IGF2R: variants seen among roughly 807,000 people sequenced by gnomAD.
IGF2R encodes insulin like growth factor 2 receptor, also known as cation-independent mannose-6-phosphate receptor.
A neutral mutation model predicts 270.6 loss-of-function variants in IGF2R; 91 were observed. The observed-to-expected ratio is 0.34, with a 90% CI of 0.28 to 0.40. IGF2R has a LOEUF of 0.40. IGF2R is among the 10% of genes least tolerant of loss of function. IGF2R has a pLI of 1.00. For missense variants in IGF2R, 2,805 were observed against 3,188.3 expected (o/e 0.88, Z 2.90); for synonymous variants, 1,316 against 1,258.9 (o/e 1.05, Z -0.96).
chr6:160,104,831 A>T lies in IGF2R; in HGVS notation c.7223A>T (p.Asp2408Val), dbSNP rs750273880. 1 of 1,614,212 alleles carries T rather than the reference A, an allele frequency of 6.2e-7. No homozygotes were observed. Among genetic ancestry groups the T allele is most frequent in the African/African-American group, 1.3e-5 (1 of 75,056 alleles). The change falls in exon 48 of 48, where the codon GAC (aspartate) becomes GTC (valine). Residue 2408 changes from aspartate (D) to valine (V), a missense_variant. By Grantham distance (152) the Asp-to-Val change is radical (BLOSUM62 -3). Coordinates refer to ENST00000356956, the MANE Select transcript of IGF2R (RefSeq NM_000876.4). ...AGCTCCCTGCATGGGGATGACCAGGACAGTGAGGATGAGGTTCTGACCATC... is the reference window on the plus strand; with the variant it reads ...AGCTCCCTGCATGGGGATGACCAGGTCAGTGAGGATGAGGTTCTGACCATC... ...ALSSLHGDDQ[D>V]SEDEVLTIPE...
At chr6:160,074,313 G>A (rs28633601) in intron 35 of IGF2R, among the ~76,000 whole-genome samples, 13,326 of 152,270 alleles carry the variant, frequency 0.088, 887 homozygotes, top group East Asian at 0.33. Context: ...GTTTCTTTGT[G>A]TGAAATGCCT....
chr6:159,986,438 T>G lies in IGF2R; in HGVS notation c.150-4746T>G, dbSNP rs554843152. Among the ~76,000 whole-genome samples the G allele has an allele frequency of 2.4e-4, 30 of 122,620 alleles. No homozygotes were observed. In the East Asian group the frequency reaches 4.5e-3, roughly 19 times the overall value. The allele number at this position is 122,620 out of a possible 152,430, so 80.4% of individuals were successfully genotyped here. ...TGTGTGTGTGTGTGTGTGTTTTTTT[T>G]TTTTTTTTAAGTAGATTCAGGGTTT... On this transcript the variant is annotated intron_variant, in intron 1 of 47. Coordinates refer to ENST00000356956, the MANE Select transcript of IGF2R (RefSeq NM_000876.4).
intron 42 of IGF2R, among the ~76,000 whole-genome samples, chr6:160,088,605 A>G (rs193180932): frequency 6.6e-6 from 1 of 152,248 alleles, no homozygotes; most frequent in East Asian, 1.9e-4. Context: ...CAGAGGGTGC[A>G]TGTGAGCTGC....
intron 1 of IGF2R, among the ~76,000 whole-genome samples, chr6:159,981,338 A>AGT (rs138044623): frequency 0.011 from 1,626 of 150,758 alleles, 28 homozygotes; most frequent in African/African-American, 0.038. Context: ...TGTGTGTCTG[A>AGT]GTGTGTGTGT....
At chr6:160,011,552 T>TG (rs35940043) in intron 4 of IGF2R, among the ~76,000 whole-genome samples, 20 of 41,278 alleles carry the variant, frequency 4.8e-4, no homozygotes, top group Non-Finnish European at 9.0e-4. Context: ...ACATATTTCG[T>TG]TTTTTTTTTT....
At position 160,103,827 on chromosome 6, in the gene IGF2R, T is replaced by C; in HGVS notation, c.7065+12T>C. The C allele has an allele frequency of 6.3e-7, 1 of 1,595,918 alleles. No homozygotes were observed. Among genetic ancestry groups the C allele is most frequent in the Non-Finnish European group, 8.6e-7 (1 of 1,163,394 alleles). On this transcript the variant is annotated intron_variant, in intron 47 of 47. Coordinates refer to ENST00000356956, the MANE Select transcript of IGF2R (RefSeq NM_000876.4). ...ACAAATACTCAAAGGTAATTTTCTGTGGCGAGTCTCTTGAAGGCCTGCCTC... is the reference window on the plus strand; with the variant it reads ...ACAAATACTCAAAGGTAATTTTCTGCGGCGAGTCTCTTGAAGGCCTGCCTC...
intron 12 of IGF2R, 86 bp from the exon 13 acceptor site, chr6:160,044,428 C>A (rs1364348294): frequency 7.7e-6 from 9 of 1,165,474 alleles, no homozygotes; most frequent in African/African-American, 1.6e-5. Context: ...CTTTCTCTTT[C>A]TTTCTTTTTT....
chr6:160,074,068 C>A lies in IGF2R; in HGVS notation c.5166+93C>A. ...TTCTTGCCTTCAGTGGGGAGTTGCTCAAGCATAAAAAAAATGGAGAAAGTA... is the reference window on the plus strand; with the variant it reads ...TTCTTGCCTTCAGTGGGGAGTTGCTAAAGCATAAAAAAAATGGAGAAAGTA... On this transcript the variant is annotated intron_variant, in intron 35 of 47. Coordinates refer to ENST00000356956, the MANE Select transcript of IGF2R (RefSeq NM_000876.4). The A allele has an allele frequency of 5.9e-6, 5 of 848,366 alleles. No homozygotes were observed. In the Admixed American group the frequency reaches 7.2e-5, roughly 12 times the overall value. The allele number at this position is 848,366 out of a possible 1,614,324, so 52.6% of individuals were successfully genotyped here.
intron 4 of IGF2R, among the ~76,000 whole-genome samples, chr6:160,012,769 T>TG (rs1784357380): frequency 2.1e-5 from 2 of 93,068 alleles, no homozygotes; most frequent in Non-Finnish European, 4.7e-5. Context: ...ATATATTTTT[T>TG]TTTTTTTTTG....
chr6:160,056,418 A>G lies in IGF2R; in HGVS notation c.2695-6A>G. On this transcript the variant is annotated splice_region_variant and splice_polypyrimidine_tract_variant and intron_variant, in intron 19 of 47. Transcript: ENST00000356956. ...ATTGACTTTTACCCTGGATTTGCCC[A>G]TTCAGAACAGCCACCCCATCTTTTC... 1.2e-6 allele frequency: 2 copies of G among 1,606,268 alleles called. No homozygotes were observed. The highest frequency in any genetic ancestry group is 1.7e-6 in the Non-Finnish European group (2 of 1,172,750).
At chr6:159,981,415 G>T (rs950197085) in intron 1 of IGF2R, among the ~76,000 whole-genome samples, 4 of 152,152 alleles carry the variant, frequency 2.6e-5, no homozygotes, top group Admixed American at 2.0e-4. Flanking sequence ...CCTCCGGACA[G>T]GGGCCTGCCC....
At position 160,107,902 on chromosome 6, in the gene IGF2R, C is replaced by T. The variant is rs1243957924; in HGVS notation, c.*2818C>T. The T allele has an allele frequency of 6.6e-6, 1 of 152,216 alleles. No individual in the cohort carries two copies. Among genetic ancestry groups the T allele is most frequent in the African/African-American group, 2.4e-5 (1 of 41,440 alleles). 9.4% of individuals were successfully genotyped at this position (152,216 alleles called of 1,614,324 possible). A position where few individuals can be genotyped will look rare whatever the true frequency, so the allele number is the denominator to read the frequency against. ...AATCATTTGAGATGAAGTTTCTTCC[C>T]ATCACCAGGCATTCCTACAAACAAG... On this transcript the variant is annotated 3_prime_UTR_variant, in exon 48 of 48. Transcript: ENST00000356956.
At chr6:160,075,282 G>A (rs540467919) in intron 35 of IGF2R, among the ~76,000 whole-genome samples, 20 of 152,040 alleles carry the variant, frequency 1.3e-4, no homozygotes, top group Non-Finnish European at 2.8e-4. Context: ...TATCTCTTGG[G>A]CAGCCGCTGT....
At chr6:160,059,239 C>T (rs972433569) in intron 22 of IGF2R, 141 bp downstream of exon 22, 41 of 654,166 alleles carry the variant, frequency 6.3e-5, no homozygotes, top group African/African-American at 4.5e-4. Flanking sequence ...GGAGCCATCA[C>T]GGTGGTCTTC....
chr6:160,062,646 C>T, intron 26 of IGF2R, 27 bp downstream of exon 26: 1 of 1,520,344 alleles, frequency 6.6e-7, no homozygotes, highest in Non-Finnish European at 9.1e-7. Context: ...CCCTACAAGT[C>T]ATTTTAAATG....
At chr6:160,061,363 A>G in intron 23 of IGF2R, 140 bp from the exon 24 acceptor site, 1 of 781,220 alleles carries the variant, frequency 1.3e-6, no homozygotes, top group Non-Finnish European at 2.1e-6. Context: ...AAAGCCTCTC[A>G]GCCTCCCGTG....
chr6:159,975,700 A>G lies in IGF2R; in HGVS notation c.149+6305A>G, dbSNP rs1458175925. 2.7e-4 allele frequency among the ~76,000 whole-genome samples: 40 copies of G among 147,126 alleles called. 1 individual carries two copies. In the Admixed American group the frequency reaches 2.7e-3, roughly 10 times the overall value. On this transcript the variant is annotated intron_variant, in intron 1 of 47. Transcript: ENST00000356956. Reference sequence around the variant, plus strand: ...TATATATATTTATATATATATATATATAAAGTATATGTATTGTGTATATAT... The same window carrying G: ...TATATATATTTATATATATATATATGTAAAGTATATGTATTGTGTATATAT...
Position 160,047,214 on chromosome 6 carries a change from G to A in IGF2R, c.2107G>A (p.Gly703Arg). ...LSNAKLSYYD[G>R]MIQLNYRGGT... ...TAATGCGAAGCTTTCATATTATGAT[G>A]GGATGATCCAACTGAACTACAGAGG... The change falls in exon 16 of 48, where the codon GGG becomes AGG. Residue 703 changes from glycine to arginine, a missense_variant. Transcript: ENST00000356956. The A allele has an allele frequency of 6.2e-7, 1 of 1,614,102 alleles. No homozygotes were observed. The highest frequency in any genetic ancestry group is 8.5e-7 in the Non-Finnish European group (1 of 1,179,980).
chr6:160,005,276 A>C (rs1311783621), intron 2 of IGF2R: 1 of 152,476 alleles, frequency 6.6e-6, no homozygotes, highest in African/African-American at 2.4e-5. Flanking sequence ...GTGAACCTGG[A>C]GCTTGGGGTC....
Sources: gnomAD v4.1 joint callset for allele counts (sites outside exome capture counted in the v4.1 genomes callset) on GRCh38, gnomAD v4.1.1 for gene constraint, MANE v1.5 for transcripts, NCBI Gene and HGNC (gene_info 2026-07-23, HGNC 2026-07-21) for gene names.